The following VPS13D variants were observed in gnomAD, a reference collection of about 807,000 sequenced individuals.
VPS13D encodes the protein intermembrane lipid transfer protein VPS13D.
A neutral mutation model predicts 461.9 loss-of-function variants in VPS13D; 187 were observed. The observed-to-expected ratio is 0.40, with a 90% CI of 0.36 to 0.46. The LOEUF (loss-of-function observed/expected upper bound fraction) is 0.46. Ranked by LOEUF, VPS13D falls within the 20% of genes least tolerant of loss-of-function variation. VPS13D has a pLI of 0.60. For missense variants in VPS13D, 4,711 were observed against 5,364.9 expected (o/e 0.88, Z 3.81); for synonymous variants, 1,951 against 1,986.3 (o/e 0.98, Z 0.47).
intron 67 of VPS13D, among the ~76,000 whole-genome samples, chr1:12,475,639 G>A (rs553720413): frequency 4.6e-5 from 7 of 152,330 alleles, no homozygotes; most frequent in Non-Finnish European, 8.8e-5. Flanking sequence ...GCAAGGGATT[G>A]AGTCTGTAGC....
At chr1:12,320,299 A>C (rs1242814933) in intron 32 of VPS13D, among the ~76,000 whole-genome samples, 2 of 152,168 alleles carry the variant, frequency 1.3e-5, no homozygotes, top group Non-Finnish European at 2.9e-5. Context: ...TGGGGTGTGG[A>C]GACAGAAGGG....
chr1:12,423,281 C>A (rs1390783101), intron 65 of VPS13D, among the ~76,000 whole-genome samples: 1 of 152,146 alleles, frequency 6.6e-6, no homozygotes, highest in Non-Finnish European at 1.5e-5. Flanking sequence ...AGAGCTGAGA[C>A]CTGGCTCTTC....
chr1:12,355,857 A>T, intron 47 of VPS13D, 42 bp from the exon 48 acceptor site: 1 of 1,465,650 alleles, frequency 6.8e-7, no homozygotes, highest in East Asian at 2.5e-5. Flanking sequence ...ATTTTGACAA[A>T]TAGTGAGAAC....
intron 18 of VPS13D, among the ~76,000 whole-genome samples, chr1:12,275,390 G>A (rs1008018133): frequency 6.6e-6 from 1 of 152,148 alleles, no homozygotes; most frequent in Admixed American, 6.5e-5. Flanking sequence ...ACTCCAGCCT[G>A]GGTGACAGAG....
At chr1:12,248,894 A>C (rs1465013599) in intron 5 of VPS13D, among the ~76,000 whole-genome samples, 1 of 152,214 alleles carries the variant, frequency 6.6e-6, no homozygotes, top group Admixed American at 6.5e-5. Context: ...TAATGAAAGT[A>C]TTGGAGCTCT....
At position 12,242,585 on chromosome 1, in the gene VPS13D, A is replaced by T. The variant is rs768708131; in HGVS notation, c.170A>T (p.Lys57Ile). 20 of 1,613,968 alleles carry T rather than the reference A, an allele frequency of 1.2e-5. No individual in the cohort carries two copies. Among genetic ancestry groups the T allele is most frequent in the Non-Finnish European group, 1.7e-5 (20 of 1,179,924 alleles). ...LKELELPFEV[K>I]AGFIGKVTLQ... is the part of the protein sequence containing the mutation. ...GAATTGGAATTACCATTTGAAGTCAAAGCTGGTATGTGGAACTAAAGGAGG... is the reference window on the plus strand; with the variant it reads ...GAATTGGAATTACCATTTGAAGTCATAGCTGGTATGTGGAACTAAAGGAGG... The change falls in exon 3 of 70, where the codon AAA becomes ATA. Residue 57 changes from lysine to isoleucine, a missense_variant. Transcript: ENST00000620676.
At chr1:12,342,442 T>C (rs1643590509) in intron 41 of VPS13D, among the ~76,000 whole-genome samples, 1 of 152,200 alleles carries the variant, frequency 6.6e-6, no homozygotes, top group South Asian at 2.1e-4. Context: ...TCCAAGTACA[T>C]GGTGGTCGTT....
intron 67 of VPS13D, among the ~76,000 whole-genome samples, chr1:12,479,365 GTGTCTGTCACTTCCAGATTGCTGCT>G (rs1264704994): frequency 2.0e-5 from 3 of 152,228 alleles, no homozygotes; most frequent in Non-Finnish European, 4.4e-5. Flanking sequence ...GAAGAAATCT[GTGTCTGTCACTTCCAGATTGCTGCT>G]TGTCTGCAAT....
At position 12,369,622 on chromosome 1, in the gene VPS13D, C is replaced by T; in HGVS notation, c.10728C>T (p.Cys3576=). The T allele has an allele frequency of 1.2e-6, 2 of 1,614,150 alleles. No individual in the cohort carries two copies. Among genetic ancestry groups the T allele is most frequent in the Non-Finnish European group, 1.7e-6 (2 of 1,180,034 alleles). Residue 3576 remains cysteine, a synonymous_variant, in exon 54 of 70, where the codon TGC becomes TGT. Coordinates refer to ENST00000620676, the MANE Select transcript of VPS13D (RefSeq NM_015378.4). ...GGGCAGGGTCCTCTGAGATCAACTG[C>T]AACATGAATGATTTCCAGGATAATC... ...VKGAGSSEIN[C]NMNDFQDNRQ... is the part of the protein sequence containing the mutation.
chr1:12,260,818 T>C, intron 11 of VPS13D, 24 bp downstream of exon 11: 1 of 1,613,246 alleles, frequency 6.2e-7, no homozygotes, highest in Non-Finnish European at 8.5e-7. Flanking sequence ...TACAAGAGGA[T>C]TTGTTCAGAC....
At chr1:12,451,056 TG>T (rs2100380397) in intron 65 of VPS13D, among the ~76,000 whole-genome samples, 1 of 152,332 alleles carries the variant, frequency 6.6e-6, no homozygotes, top group African/African-American at 2.4e-5. Flanking sequence ...CAAATGCCTT[TG>T]GCACCCCATG....
intron 69 of VPS13D, among the ~76,000 whole-genome samples, chr1:12,508,354 G>C (rs76386504): frequency 1.3e-5 from 2 of 151,958 alleles, no homozygotes; most frequent in Non-Finnish European, 2.9e-5. Flanking sequence ...TTATGGCCGT[G>C]GGGGGGAGTT....
chr1:12,272,392 G>GGTGTGTGTGT (rs60615824), intron 17 of VPS13D, among the ~76,000 whole-genome samples: 17 of 143,126 alleles, frequency 1.2e-4, no homozygotes, highest in African/African-American at 3.6e-4. Flanking sequence ...TTTTTGTTTT[G>GGTGTGTGTGT]GTGTGTGTGT....
chr1:12,428,997 G>A (rs1255743765), intron 65 of VPS13D, among the ~76,000 whole-genome samples: 1 of 152,148 alleles, frequency 6.6e-6, no homozygotes, highest in African/African-American at 2.4e-5. Flanking sequence ...ACTTGATTGT[G>A]TTCCTCAAGG....
At chr1:12,272,015 G>A (rs1641456749) in intron 17 of VPS13D, among the ~76,000 whole-genome samples, 1 of 152,064 alleles carries the variant, frequency 6.6e-6, no homozygotes, top group African/African-American at 2.4e-5. Context: ...AACATAGTGA[G>A]ACCTTGTCTC....
At position 12,277,535 on chromosome 1, in the gene VPS13D, G is replaced by A; in HGVS notation, c.3947G>A (p.Gly1316Asp). Residue 1316 changes from glycine to aspartate, a missense_variant, in exon 19 of 70, where the codon GGT becomes GAT. Gly to Asp is a moderately conservative substitution (Grantham distance 94, BLOSUM62 -1). Transcript: ENST00000620676. The part of the protein sequence containing the change: ...SMDELEENFR[G>D]MLKSAATKVT... ...GATGAACTGGAAGAAAATTTTCGAGGTATGCTGAAAAGCGCAGCCACCAAA... is the reference window on the plus strand; with the variant it reads ...GATGAACTGGAAGAAAATTTTCGAGATATGCTGAAAAGCGCAGCCACCAAA... 6.2e-7 allele frequency: 1 copy of A among 1,614,070 alleles called. No homozygotes were observed. Among genetic ancestry groups the A allele is most frequent in the Admixed American group, 1.7e-5 (1 of 60,028 alleles).
Position 12,262,059 on chromosome 1 carries a change from T to C in VPS13D, c.1573T>C (p.Phe525Leu). ...QGTPQMNESA[F>L]MQLEFSDVKL... ...AACTCCTCAAATGAATGAAAGTGCTTTCATGCAGCTCGAGTTTTCAGGTAC... is the reference window on the plus strand; with the variant it reads ...AACTCCTCAAATGAATGAAAGTGCTCTCATGCAGCTCGAGTTTTCAGGTAC... Residue 525 changes from phenylalanine to leucine, a missense_variant, in exon 13 of 70, where the codon TTC becomes CTC. Transcript: ENST00000620676. 1 of 1,611,670 alleles carries C rather than the reference T, an allele frequency of 6.2e-7. No homozygotes were observed. Among genetic ancestry groups the C allele is most frequent in the Non-Finnish European group, 8.5e-7 (1 of 1,178,140 alleles).
At chr1:12,364,919 G>A (rs1235277853) in intron 52 of VPS13D, among the ~76,000 whole-genome samples, 1 of 152,140 alleles carries the variant, frequency 6.6e-6, no homozygotes, top group African/African-American at 2.4e-5. Flanking sequence ...TCTTTGATTT[G>A]TTTTGGGTTA....
At chr1:12,431,752 G>A (rs1246260166) in intron 65 of VPS13D, among the ~76,000 whole-genome samples, 1 of 151,994 alleles carries the variant, frequency 6.6e-6, no homozygotes, top group African/African-American at 2.4e-5. Flanking sequence ...CTTACCGGAA[G>A]GGGCTGCAGG....
Sources: gnomAD v4.1 joint callset for allele counts (sites outside exome capture counted in the v4.1 genomes callset) on GRCh38, gnomAD v4.1.1 for gene constraint, MANE v1.5 for transcripts, NCBI Gene and HGNC (gene_info 2026-07-23, HGNC 2026-07-21) for gene names.